ATP8A2: variants seen among roughly 807,000 people sequenced by gnomAD.
The protein encoded by ATP8A2 is ATPase phospholipid transporting 8A2.
A neutral mutation model predicts 165.6 loss-of-function variants in ATP8A2; 100 were observed. The observed-to-expected ratio is 0.60, with a 90% confidence interval of 0.51 to 0.71. ATP8A2 has a LOEUF of 0.71. Ranked by LOEUF, ATP8A2 falls within the 30% of genes least tolerant of loss-of-function variation. The pLI, the probability that ATP8A2 is intolerant of heterozygous loss-of-function variation, is 0.00. For synonymous variants in ATP8A2, 543 were observed against 548.8 expected (o/e 0.99, Z 0.15); for missense variants, 1,227 against 1,479.5 (o/e 0.83, Z 2.80).
chr13:25,382,966 A>G (rs1313857157), intron 1 of ATP8A2, among the ~76,000 whole-genome samples: 11 of 151,314 alleles, frequency 7.3e-5, no homozygotes, highest in Non-Finnish European at 1.3e-4. Context: ...CATGTTAGCC[A>G]GGATGGTCTC....
At chr13:25,705,765 C>A (rs2043043508) in intron 25 of ATP8A2, among the ~76,000 whole-genome samples, 1 of 152,188 alleles carries the variant, frequency 6.6e-6, no homozygotes, top group Admixed American at 6.5e-5. Context: ...GCACTGTTGA[C>A]AATTGGTTGT....
At chr13:25,860,957 C>A in intron 32 of ATP8A2, 97 bp downstream of exon 32, 1 of 815,150 alleles carries the variant, frequency 1.2e-6, no homozygotes, top group Non-Finnish European at 2.0e-6. Flanking sequence ...CAATATCTGG[C>A]TATCTTCTTT....
At chr13:25,790,746 G>A (rs2045148522) in intron 27 of ATP8A2, among the ~76,000 whole-genome samples, 1 of 149,276 alleles carries the variant, frequency 6.7e-6, no homozygotes, top group African/African-American at 2.4e-5. Context: ...TTCAAAAGAA[G>A]ACATACACAG....
intron 24 of ATP8A2, among the ~76,000 whole-genome samples, chr13:25,678,088 G>A (rs758082214): frequency 2.0e-5 from 3 of 151,902 alleles, no homozygotes; most frequent in Non-Finnish European, 2.9e-5. Context: ...AGAAGATAGA[G>A]TGGATAAGTA....
intron 2 of ATP8A2, among the ~76,000 whole-genome samples, chr13:25,498,724 G>A (rs2036756031): frequency 6.6e-6 from 1 of 152,200 alleles, no homozygotes. Flanking sequence ...GCTAACATTT[G>A]TTGAGAACAT....
At chr13:25,762,293 A>AAAAAAAAAAAAAAAAT (rs10641514) in intron 25 of ATP8A2, among the ~76,000 whole-genome samples, 1 of 150,138 alleles carries the variant, frequency 6.7e-6, no homozygotes. Context: ...AAAAAAAAAA[A>AAAAAAAAAAAAAAAAT]AAAGCTGTCC....
At chr13:25,883,579 C>G (rs1028915784) in intron 33 of ATP8A2, among the ~76,000 whole-genome samples, 1 of 152,200 alleles carries the variant, frequency 6.6e-6, no homozygotes, top group Non-Finnish European at 1.5e-5. Flanking sequence ...CGGACAGGCC[C>G]GTGTCTTCAC....
At chr13:25,540,289 A>G in intron 7 of ATP8A2, 30 bp from the exon 8 acceptor site, 2 of 1,561,916 alleles carry the variant, frequency 1.3e-6, no homozygotes, top group Non-Finnish European at 1.8e-6. Flanking sequence ...GGACCTTATG[A>G]AACTTGGCTC....
At chr13:25,993,317 G>A (rs1420048161) in intron 35 of ATP8A2, among the ~76,000 whole-genome samples, 2 of 152,284 alleles carry the variant, frequency 1.3e-5, no homozygotes, top group East Asian at 1.9e-4. Context: ...AAAACTGGAA[G>A]CATTCCCTTT....
At chr13:25,728,695 C>T (rs1345553375) in intron 25 of ATP8A2, among the ~76,000 whole-genome samples, 1 of 151,756 alleles carries the variant, frequency 6.6e-6, no homozygotes, top group Admixed American at 6.6e-5. Flanking sequence ...AAGGGGGGAG[C>T]ACCGTGTCCC....
intron 2 of ATP8A2, among the ~76,000 whole-genome samples, chr13:25,506,162 G>A (rs1289628207): frequency 6.6e-6 from 1 of 152,232 alleles, no homozygotes; most frequent in Admixed American, 6.5e-5. Context: ...AATACCGAAT[G>A]ATGAGAGAGC....
chr13:25,665,680 A>G (rs17623757), intron 24 of ATP8A2, among the ~76,000 whole-genome samples: 15,956 of 151,868 alleles, frequency 0.11, 1,801 homozygotes, highest in East Asian at 0.37. Context: ...AAGCATATTG[A>G]ATAGGTTCTG....
intron 24 of ATP8A2, among the ~76,000 whole-genome samples, chr13:25,651,056 G>A (rs2041799968): frequency 6.6e-6 from 1 of 152,126 alleles, no homozygotes; most frequent in Non-Finnish European, 1.5e-5. Flanking sequence ...TTTATGTAAA[G>A]CTGAAATTAT....
intron 24 of ATP8A2, among the ~76,000 whole-genome samples, chr13:25,628,935 G>T (rs1048727970): frequency 2.7e-4 from 41 of 152,150 alleles, no homozygotes; most frequent in Non-Finnish European, 1.6e-4. Flanking sequence ...TTTCCTCCAT[G>T]AGAGGGAACA....
At chr13:26,010,278 T>G (rs1956819263) in intron 35 of ATP8A2, among the ~76,000 whole-genome samples, 1 of 152,142 alleles carries the variant, frequency 6.6e-6, no homozygotes, top group African/African-American at 2.4e-5. Flanking sequence ...CTCCCATTTC[T>G]GAGGATCTGT....
At chr13:25,697,478 G>C in intron 24 of ATP8A2, among the ~76,000 whole-genome samples, 1 of 152,204 alleles carries the variant, frequency 6.6e-6, no homozygotes, top group East Asian at 1.9e-4. Flanking sequence ...ATGGGTTTTC[G>C]TCATGTTGGC....
chr13:25,590,751 G>A (rs2040050039), intron 24 of ATP8A2, among the ~76,000 whole-genome samples: 1 of 152,162 alleles, frequency 6.6e-6, no homozygotes, highest in Non-Finnish European at 1.5e-5. Flanking sequence ...CTTTTAAAGG[G>A]AGGCAATAAA....
intron 24 of ATP8A2, among the ~76,000 whole-genome samples, chr13:25,614,375 T>A (rs543248923): frequency 1.3e-5 from 2 of 152,302 alleles, no homozygotes; most frequent in Admixed American, 1.3e-4. Flanking sequence ...TGATTTTTTT[T>A]ATTTATGTTG....
chr13:25,950,225 C>T (rs928437880), intron 33 of ATP8A2, among the ~76,000 whole-genome samples: 8 of 152,144 alleles, frequency 5.3e-5, no homozygotes, highest in Middle Eastern at 3.2e-3. Flanking sequence ...ACGTCACGAC[C>T]TGTGGAGAAT....
Sources: gnomAD v4.1 joint callset for allele counts (sites outside exome capture counted in the v4.1 genomes callset) on GRCh38, gnomAD v4.1.1 for gene constraint, MANE v1.5 for transcripts, NCBI Gene and HGNC (gene_info 2026-07-23, HGNC 2026-07-21) for gene names.